Variants in DSG1 observed in about 807,000 individuals in gnomAD.
DSG1 encodes desmoglein-1.
DSG1 carries 39 observed loss-of-function variants against 97.5 expected under a neutral mutation model. The observed-to-expected ratio is 0.40, with a 90% CI of 0.31 to 0.52. The LOEUF (loss-of-function observed/expected upper bound fraction) is 0.52. Ranked by LOEUF, DSG1 falls within the 20% of genes least tolerant of loss-of-function variation. The pLI is 0.53. For synonymous variants in DSG1, 475 were observed against 443.4 expected, an observed-to-expected ratio of 1.07 and a Z score of -0.90; for missense variants, 1,311 against 1,295.4, an observed-to-expected ratio of 1.01 and a Z score of -0.18.
intron 1 of DSG1, among the ~76,000 whole-genome samples, chr18:31,319,888 G>T (rs2919995): frequency 0.011 from 1,435 of 132,008 alleles, 14 homozygotes; most frequent in African/African-American, 0.036. Flanking sequence ...TTCTCTAGCT[G>T]TGCCTAGATT....
chr18:31,339,871 T>G lies in DSG1; in HGVS notation c.1533T>G (p.Ser511=). 2 of 1,614,128 alleles carry G rather than the reference T, an allele frequency of 1.2e-6. No homozygotes were observed. Among genetic ancestry groups the G allele is most frequent in the Non-Finnish European group, 1.7e-6 (2 of 1,180,012 alleles). ...ATACTGGCAGACAAGAAAGTACTTC[T>G]TCCACTAACTATGATACCAGCACAA... is the stretch of plus-strand genomic sequence containing the variant. ...TTNTGRQEST[S]STNYDTSTTS... Residue 511 remains serine (S), a synonymous_variant, in exon 11 of 15, where the codon TCT becomes TCG. Transcript: ENST00000257192.
At chr18:31,333,214 T>C (rs1023438331) in intron 6 of DSG1, among the ~76,000 whole-genome samples, 2 of 152,294 alleles carry the variant, frequency 1.3e-5, no homozygotes, top group African/African-American at 4.8e-5. Context: ...TATCTGTTTA[T>C]ATGCTTCTTG....
At chr18:31,327,614 G>C (rs1307825834) in intron 3 of DSG1, among the ~76,000 whole-genome samples, 4 of 152,238 alleles carry the variant, frequency 2.6e-5, no homozygotes, top group Admixed American at 2.0e-4. Flanking sequence ...TTCAAAGAAA[G>C]AGTTCTGGTT....
rs566624973 is a variant in DSG1 at position 31,346,099 on chromosome 18, G to A, written c.2001G>A (p.Glu667=). Residue 667 remains glutamate (E), a synonymous_variant, in exon 14 of 15, where the codon GAG becomes GAA. Coordinates refer to ENST00000257192, the MANE Select transcript of DSG1 (RefSeq NM_001942.4). ...TEGVKTSGMP[E]ICQEYSGTLR... ...GAGTTAAAACTTCAGGAATGCCTGA[G>A]ATATGTCAAGAATACTCTGGAACAT... 1.7e-5 allele frequency: 27 copies of A among 1,613,628 alleles called. 1 individual carries two copies. The East Asian group carries it at 5.1e-4, about 31-fold the overall frequency.
At chr18:31,343,361 A>C (rs550131708) in intron 11 of DSG1, 89 bp from the exon 12 acceptor site, 1 of 1,560,150 alleles carries the variant, frequency 6.4e-7, no homozygotes, top group Non-Finnish European at 8.8e-7. Flanking sequence ...TTATATTACG[A>C]ATTCAAATTT....
Position 31,343,438 on chromosome 18 carries a change from C to T in DSG1, c.1688-12C>T. 1 of 1,614,114 alleles carries T rather than the reference C, an allele frequency of 6.2e-7. No individual in the cohort carries two copies. The highest frequency in any genetic ancestry group is 1.7e-4 in the Middle Eastern group (1 of 6,056). ...AGTGCTAACTCTAGTATTACTATCC[C>T]TCCACCACCAGTGGTCCCATTTTTG... On this transcript the variant is annotated splice_polypyrimidine_tract_variant and intron_variant, in intron 11 of 14. Coordinates refer to ENST00000257192, the MANE Select transcript of DSG1 (RefSeq NM_001942.4).
At chr18:31,337,226 T>C (rs1362702064) in intron 9 of DSG1, among the ~76,000 whole-genome samples, 1 of 152,084 alleles carries the variant, frequency 6.6e-6, no homozygotes, top group African/African-American at 2.4e-5. Context: ...ATGCATTTTT[T>C]GTTGTTTGGG....
rs372754677 is a variant in DSG1, at chr18:31,355,371, T to C, written c.*25T>C. The C allele has an allele frequency of 1.6e-5, 26 of 1,609,414 alleles. No individual in the cohort carries two copies. The African/African-American group carries it at 3.5e-4, about 21-fold the overall frequency. ...GTCAGGACCCCAGCTCACTTTTTCA[T>C]AGTCATTGTGGTTTAGATCCAATTC... On this transcript the variant is annotated 3_prime_UTR_variant, in exon 15 of 15. Coordinates refer to ENST00000257192, the MANE Select transcript of DSG1 (RefSeq NM_001942.4).
intron 5 of DSG1, 85 bp from the exon 6 acceptor site, chr18:31,331,616 C>A: frequency 1.5e-6 from 2 of 1,297,326 alleles, no homozygotes. Context: ...TCAACTAACT[C>A]TAACACTTTT....
In DSG1 at chr18:31,354,997, T is replaced by TA; in HGVS notation, c.2802dup (p.Gly935ArgfsTer2). On this transcript the variant is annotated frameshift_variant, in exon 15 of 15. Coordinates refer to ENST00000257192, the MANE Select transcript of DSG1 (RefSeq NM_001942.4). LOFTEE classifies it high-confidence loss of function. ...GTAATCCAACCAACTTCCGGCATGA[T>TA]AGGTAGTCTGAGTATGCACCCCGAG... is the stretch of plus-strand genomic sequence containing the variant. 2 of 1,614,150 alleles carry TA rather than the reference T, an allele frequency of 1.2e-6. No homozygotes were observed. Among genetic ancestry groups the TA allele is most frequent in the Non-Finnish European group, 1.7e-6 (2 of 1,180,024 alleles).
chr18:31,329,141 T>C (rs925334445), intron 4 of DSG1, among the ~76,000 whole-genome samples: 1 of 152,176 alleles, frequency 6.6e-6, no homozygotes, highest in African/African-American at 2.4e-5. Flanking sequence ...GACATTTCCA[T>C]GGTCCTATAA....
rs1028957127 is a variant in DSG1 at position 31,354,498 on chromosome 18, T to C, written c.2302T>C (p.Tyr768His). The C allele has an allele frequency of 6.2e-7, 1 of 1,614,050 alleles. No individual in the cohort carries two copies. The highest frequency in any genetic ancestry group is 8.5e-7 in the Non-Finnish European group (1 of 1,180,032). The change falls in exon 15 of 15, where the codon TAT becomes CAT. Residue 768 changes from tyrosine to histidine, a missense_variant. Tyr to His is a moderately conservative substitution (Grantham distance 83). Transcript: ENST00000257192. ...AGACATCAGCCTAGGAAAAGAATCA[T>C]ATCCAGACCTTGATCCTTCTTGGCC... is the stretch of plus-strand genomic sequence containing the variant. The part of the protein sequence containing the change: ...LADISLGKES[Y>H]PDLDPSWPPQ...
In DSG1 at chr18:31,338,381, GA is replaced by G. The variant is rs753011335; in HGVS notation, c.1337del (p.Asn446IlefsTer22). On this transcript the variant is annotated frameshift_variant, in exon 10 of 15. Coordinates refer to ENST00000257192, the MANE Select transcript of DSG1 (RefSeq NM_001942.4). LOFTEE classifies it high-confidence loss of function. Reference sequence around the variant, plus strand: ...ATTCAAGAACAGGCAAACTCACTTTGAAAAATAAAGTTACCAAGGAACAGTA... The same window carrying G: ...ATTCAAGAACAGGCAAACTCACTTTGAAAATAAAGTTACCAAGGAACAGTA... Reference protein sequence around the residue: ...VDSRTGKLTLKNKVTKEQYNM... With the variant: ...VDSRTGKLTLXNKVTKEQYNM... The G allele has an allele frequency of 6.2e-7, 1 of 1,613,690 alleles. No individual in the cohort carries two copies. Among genetic ancestry groups the G allele is most frequent in the Non-Finnish European group, 8.5e-7 (1 of 1,179,774 alleles).
chr18:31,347,544 A>G (rs4239366), intron 14 of DSG1: 75,820 of 152,044 alleles, frequency 0.5, 20,270 homozygotes, highest in East Asian at 0.78. Context: ...GCAAAGGCTC[A>G]ATCATTTTTT....
chr18:31,331,574 A>T (rs1050573510), intron 5 of DSG1, 127 bp from the exon 6 acceptor site: 1 of 801,678 alleles, frequency 1.2e-6, no homozygotes. Flanking sequence ...AAGGAGTAGA[A>T]AGGGAAGACA....
At chr18:31,348,435 G>A (rs1314989500) in intron 14 of DSG1, among the ~76,000 whole-genome samples, 1 of 151,744 alleles carries the variant, frequency 6.6e-6, no homozygotes, top group East Asian at 1.9e-4. Flanking sequence ...ACATACGTGT[G>A]CATGTGTCTT....
chr18:31,345,955 A>G, intron 13 of DSG1, 35 bp from the exon 14 acceptor site: 2 of 1,573,252 alleles, frequency 1.3e-6, no homozygotes, highest in Non-Finnish European at 1.7e-6. Context: ...ATGATAGACT[A>G]AAGAAAATAA....
intron 11 of DSG1, among the ~76,000 whole-genome samples, chr18:31,342,960 C>T (rs2071799617): frequency 1.3e-5 from 2 of 148,278 alleles, no homozygotes; most frequent in African/African-American, 5.0e-5. Context: ...AGTGCAGTGG[C>T]ACAACCACCG....
intron 9 of DSG1, 141 bp downstream of exon 9, chr18:31,336,754 CTG>C (rs1210622914): frequency 3.3e-6 from 3 of 908,946 alleles, no homozygotes; most frequent in Non-Finnish European, 4.9e-6. Flanking sequence ...GTACTATAAA[CTG>C]TGCATTTAAA....
Sources: gnomAD v4.1 joint callset for allele counts (sites outside exome capture counted in the v4.1 genomes callset) on GRCh38, gnomAD v4.1.1 for gene constraint, MANE v1.5 for transcripts, NCBI Gene and HGNC (gene_info 2026-07-23, HGNC 2026-07-21) for gene names.